Variants in SV2C observed in about 807,000 individuals in gnomAD.
SV2C encodes the protein synaptic vesicle glycoprotein 2C, also known as solute carrier family 22 member B3.
A neutral mutation model predicts 79.7 loss-of-function variants in SV2C; 49 were observed. That is an observed-to-expected ratio of 0.61 (90% CI 0.49 to 0.78). The LOEUF (loss-of-function observed/expected upper bound fraction) is 0.78, where lower values mean the gene tolerates loss of function less well. Among genes scored for constraint, SV2C ranks in the 30% least tolerant of loss-of-function variants. The probability of loss-of-function intolerance (pLI) is 0.00; values close to 1 mark genes in which losing one functional copy is unlikely to be tolerated. For synonymous variants in SV2C, 334 were observed against 333.2 expected, an observed-to-expected ratio of 1.00 and a Z score of -0.03; for missense variants, 833 against 912.9, an observed-to-expected ratio of 0.91 and a Z score of 1.13.
the SV2C span, among the ~76,000 whole-genome samples, chr5:75,967,363 C>T: frequency 6.6e-6 from 1 of 152,168 alleles, no homozygotes; most frequent in East Asian, 1.9e-4. Context: ...TGAGCCGAAG[C>T]AGGGCAAGGC....
At chr5:76,032,621 C>T in the SV2C span, among the ~76,000 whole-genome samples, 187 of 152,286 alleles carry the variant, frequency 1.2e-3, 1 homozygote, top group African/African-American at 4.2e-3. Context: ...TGTATATATG[C>T]CACATTTTCT....
At chr5:75,901,551 G>T in the SV2C span, among the ~76,000 whole-genome samples, 6 of 152,246 alleles carry the variant, frequency 3.9e-5, no homozygotes, top group Admixed American at 3.9e-4. Flanking sequence ...GGACCCACTT[G>T]AGGGGGCAAT....
chr5:76,289,759 T>G (rs1424730504), intron 6 of SV2C, among the ~76,000 whole-genome samples: 1 of 152,214 alleles, frequency 6.6e-6, no homozygotes, highest in Non-Finnish European at 1.5e-5. Context: ...CACATGGTAT[T>G]TCTCCCACTT....
At chr5:75,998,653 T>C in the SV2C span, among the ~76,000 whole-genome samples, 1 of 151,796 alleles carries the variant, frequency 6.6e-6, no homozygotes, top group Non-Finnish European at 1.5e-5. Context: ...CATGTGTGTG[T>C]ATGTGTGAAT....
intron 1 of SV2C, among the ~76,000 whole-genome samples, chr5:76,107,882 G>T (rs902701351): frequency 6.6e-6 from 1 of 152,070 alleles, no homozygotes; most frequent in Non-Finnish European, 1.5e-5. Flanking sequence ...TTTATTAACA[G>T]AATTTATTTT....
the SV2C span, among the ~76,000 whole-genome samples, chr5:75,951,227 G>C: frequency 5.9e-5 from 9 of 152,134 alleles, no homozygotes; most frequent in East Asian, 9.7e-4. Flanking sequence ...TTTAGAGGAA[G>C]AAATTAATAT....
the SV2C span, among the ~76,000 whole-genome samples, chr5:75,881,619 A>G: frequency 6.6e-6 from 1 of 152,032 alleles, no homozygotes; most frequent in African/African-American, 2.4e-5. Flanking sequence ...GGTGTATAAG[A>G]ATGCTTGTGA....
chr5:76,170,058 TA>T (rs1743172158), intron 2 of SV2C, among the ~76,000 whole-genome samples: 1 of 152,174 alleles, frequency 6.6e-6, no homozygotes, highest in Non-Finnish European at 1.5e-5. Flanking sequence ...AATCCTATTT[TA>T]TTTTTTTATT....
the SV2C span, among the ~76,000 whole-genome samples, chr5:75,949,090 G>A: frequency 3.5e-4 from 53 of 151,874 alleles, no homozygotes; most frequent in Non-Finnish European, 5.9e-4. Context: ...ATCCTGTAGC[G>A]TGTGTGGCAC....
chr5:75,933,772 G>A, the SV2C span, among the ~76,000 whole-genome samples: 3 of 152,172 alleles, frequency 2.0e-5, no homozygotes, highest in Non-Finnish European at 4.4e-5. Flanking sequence ...GCCTGCTCCA[G>A]TTTTCTGTCT....
intron 4 of SV2C, among the ~76,000 whole-genome samples, chr5:76,283,206 G>A (rs751560924): frequency 2.0e-5 from 3 of 151,954 alleles, no homozygotes; most frequent in African/African-American, 2.4e-5. Flanking sequence ...CTAGCTACTC[G>A]GGACTCCTGC....
the SV2C span, among the ~76,000 whole-genome samples, chr5:75,862,669 G>A: frequency 0.015 from 2,297 of 152,172 alleles, 51 homozygotes; most frequent in African/African-American, 0.05. Flanking sequence ...GCTACTTACC[G>A]CTGGAGAAGA....
the SV2C span, among the ~76,000 whole-genome samples, chr5:75,970,103 T>C: frequency 6.6e-6 from 1 of 151,964 alleles, no homozygotes; most frequent in Non-Finnish European, 1.5e-5. Context: ...AAGGCAGAAA[T>C]AAAGATGTTC....
the SV2C span, among the ~76,000 whole-genome samples, chr5:75,922,681 C>T: frequency 1.3e-5 from 2 of 152,170 alleles, no homozygotes; most frequent in Non-Finnish European, 2.9e-5. Flanking sequence ...TAAATACAGG[C>T]AAAAGTAACA....
chr5:76,199,524 C>T (rs7445050), intron 3 of SV2C, among the ~76,000 whole-genome samples: 96,603 of 152,076 alleles, frequency 0.64, 31,580 homozygotes, highest in East Asian at 0.92. Flanking sequence ...GCACTTACAA[C>T]TGATGCCTGA....
chr5:75,922,143 A>C, the SV2C span, among the ~76,000 whole-genome samples: 1 of 152,156 alleles, frequency 6.6e-6, no homozygotes, highest in African/African-American at 2.4e-5. Flanking sequence ...TTGTCCTGTG[A>C]AATATATATT....
At chr5:76,226,843 A>G (rs1745262838) in intron 4 of SV2C, among the ~76,000 whole-genome samples, 1 of 152,138 alleles carries the variant, frequency 6.6e-6, no homozygotes, top group South Asian at 2.1e-4. Flanking sequence ...TGAATAGGGG[A>G]AGATTCTCAG....
At chr5:76,150,786 C>T (rs1749581874) in intron 2 of SV2C, among the ~76,000 whole-genome samples, 1 of 151,646 alleles carries the variant, frequency 6.6e-6, no homozygotes, top group Non-Finnish European at 1.5e-5. Context: ...CACAGATGTG[C>T]ACTAACACGC....
the SV2C span, among the ~76,000 whole-genome samples, chr5:76,012,387 G>A: frequency 3.3e-5 from 5 of 152,232 alleles, no homozygotes; most frequent in East Asian, 9.6e-4. Context: ...TCATATGTTT[G>A]TTGGCCACAC....
Sources: gnomAD v4.1 joint callset for allele counts (sites outside exome capture counted in the v4.1 genomes callset) on GRCh38, gnomAD v4.1.1 for gene constraint, MANE v1.5 for transcripts, NCBI Gene and HGNC (gene_info 2026-07-23, HGNC 2026-07-21) for gene names.